Variants in TMIGD3 observed in about 807,000 individuals in gnomAD.
TMIGD3 encodes the protein AD026 protein (AD026).
Under a neutral mutation model 28.1 loss-of-function variants are expected in TMIGD3, and 21 were observed. The observed-to-expected ratio is 0.75, with a 90% confidence interval of 0.53 to 1.08. The LOEUF (loss-of-function observed/expected upper bound fraction) is 1.08, where lower values mean the gene tolerates loss of function less well. Among genes scored for constraint, TMIGD3 ranks in the 50% least tolerant of loss-of-function variants. The probability of loss-of-function intolerance (pLI) is 0.00; values close to 1 mark genes in which losing one functional copy is unlikely to be tolerated. For synonymous variants in TMIGD3, 151 were observed against 162.1 expected (o/e 0.93, Z 0.52); for missense variants, 416 against 435.6 (o/e 0.96, Z 0.40).
At chr1:111,492,738 C>T (rs911539000) in intron 1 of TMIGD3, among the ~76,000 whole-genome samples, 9 of 150,944 alleles carry the variant, frequency 6.0e-5, no homozygotes, top group Non-Finnish European at 8.8e-5. Flanking sequence ...CGCTTGAACC[C>T]GGGAGGCGGA....
chr1:111,528,779 A>G (rs1656353031), intron 1 of TMIGD3, among the ~76,000 whole-genome samples: 1 of 152,144 alleles, frequency 6.6e-6, no homozygotes, highest in South Asian at 2.1e-4. Context: ...GGATGATAAT[A>G]TAAATAGTAT....
At chr1:111,523,349 A>G (rs1656144969) in intron 1 of TMIGD3, among the ~76,000 whole-genome samples, 1 of 152,094 alleles carries the variant, frequency 6.6e-6, no homozygotes, top group African/African-American at 2.4e-5. Flanking sequence ...TATGTACCGT[A>G]TTATTCTTTT....
intron 3 of TMIGD3, among the ~76,000 whole-genome samples, chr1:111,488,065 A>T (rs1654469628): frequency 6.6e-6 from 1 of 152,074 alleles, no homozygotes; most frequent in Non-Finnish European, 1.5e-5. Flanking sequence ...TCAGCCTCCC[A>T]AACTGCTGGG....
At chr1:111,511,674 TAC>T (rs72064023) in intron 1 of TMIGD3, among the ~76,000 whole-genome samples, 17,554 of 148,738 alleles carry the variant, frequency 0.12, 1,008 homozygotes, top group African/African-American at 0.13. Context: ...TGGTGCCCTT[TAC>T]ACACACACAC....
At chr1:111,559,158 A>C (rs1367073798) in intron 1 of TMIGD3, among the ~76,000 whole-genome samples, 1 of 151,294 alleles carries the variant, frequency 6.6e-6, no homozygotes, top group Middle Eastern at 3.2e-3. Context: ...ATACATATCA[A>C]AACTTGTGGG....
chr1:111,516,387 C>T (rs1012830479), intron 1 of TMIGD3, among the ~76,000 whole-genome samples: 4 of 152,200 alleles, frequency 2.6e-5, no homozygotes, highest in African/African-American at 7.2e-5. Context: ...CAGCAGAGGC[C>T]GGGCTTGGAG....
chr1:111,548,835 T>C (rs2101032825), intron 1 of TMIGD3, among the ~76,000 whole-genome samples: 1 of 152,362 alleles, frequency 6.6e-6, no homozygotes, highest in Middle Eastern at 3.4e-3. Context: ...ACTACAAATG[T>C]GATGTTTGTT....
rs548081287 is a variant in TMIGD3, at chr1:111,486,194, TAC to T, written c.873-356_873-355del. On this transcript the variant is annotated intron_variant, in intron 4 of 5. Coordinates refer to ENST00000369716, the MANE Select transcript of TMIGD3 (RefSeq NM_020683.7). ...AAAAAAGAGAAATATACAAGGGCAATACAGAGACAGAAGGAAGGAAACACACA... is the reference window on the plus strand; with the variant it reads ...AAAAAAGAGAAATATACAAGGGCAATAGAGACAGAAGGAAGGAAACACACA... 9.2e-5 allele frequency among the ~76,000 whole-genome samples: 14 copies of T among 152,110 alleles called. No homozygotes were observed. The East Asian group carries it at 2.5e-3, about 27-fold the overall frequency.
intron 1 of TMIGD3, among the ~76,000 whole-genome samples, chr1:111,518,786 C>T (rs557149043): frequency 6.6e-6 from 1 of 152,318 alleles, no homozygotes; most frequent in South Asian, 2.1e-4. Flanking sequence ...TCTGATTCTC[C>T]TATGCCAATA....
intron 1 of TMIGD3, 112 bp downstream of exon 1, chr1:111,502,893 C>T: frequency 7.3e-7 from 1 of 1,362,924 alleles, no homozygotes; most frequent in Non-Finnish European, 9.9e-7. Flanking sequence ...TGCCCTCTTT[C>T]AACATCAAGG....
intron 1 of TMIGD3, among the ~76,000 whole-genome samples, chr1:111,549,806 G>A (rs961725455): frequency 6.6e-6 from 1 of 152,058 alleles, no homozygotes; most frequent in Non-Finnish European, 1.5e-5. Context: ...ACACCACCAT[G>A]CTCAGCTAAT....
chr1:111,538,050 T>A (rs2101020774), intron 1 of TMIGD3, among the ~76,000 whole-genome samples: 1 of 152,298 alleles, frequency 6.6e-6, no homozygotes, highest in South Asian at 2.1e-4. Context: ...CATATGGCAT[T>A]TTCAGTTTTT....
chr1:111,493,376 G>A (rs966507755), intron 1 of TMIGD3, among the ~76,000 whole-genome samples: 5 of 152,080 alleles, frequency 3.3e-5, no homozygotes, highest in African/African-American at 9.7e-5. Flanking sequence ...AGAGAGTCTG[G>A]CACCTCCCCC....
chr1:111,522,612 G>C lies in TMIGD3; in HGVS notation c.108-31850C>G, dbSNP rs192835514. ...GCTCACTGCAACCTCCACCTCCTGGGTTCAAGCAGTTCTCCTCCCTCAGCC... is the reference window on the plus strand; with the variant it reads ...GCTCACTGCAACCTCCACCTCCTGGCTTCAAGCAGTTCTCCTCCCTCAGCC... On this transcript the variant is annotated intron_variant, in intron 1 of 5. Transcript: ENST00000369717. Among the ~76,000 whole-genome samples, 16 of 151,900 alleles carry C rather than the reference G, an allele frequency of 1.1e-4. No homozygotes were observed. In the East Asian group the frequency reaches 3.1e-3, roughly 29 times the overall value.
Position 111,534,083 on chromosome 1 carries a change from C to T in TMIGD3, c.107+29763G>A, listed in dbSNP as rs12028611. ...CAATAATGCCTCTATATAATAAGAA[C>T]GATATAGATATTATTATATATTTTA... is the stretch of plus-strand genomic sequence containing the variant. On this transcript the variant is annotated intron_variant, in intron 1 of 5. Coordinates refer to the TMIGD3 transcript ENST00000369717. 3.2e-3 allele frequency among the ~76,000 whole-genome samples: 480 copies of T among 151,920 alleles called. 13 individuals are homozygous for T. In the East Asian group the frequency reaches 0.078, roughly 25 times the overall value.
chr1:111,562,780 G>A (rs1657791382), intron 1 of TMIGD3, among the ~76,000 whole-genome samples: 1 of 152,204 alleles, frequency 6.6e-6, no homozygotes, highest in Admixed American at 6.5e-5. Flanking sequence ...TGATAGGCTG[G>A]AAGACTAAAA....
intron 1 of TMIGD3, among the ~76,000 whole-genome samples, chr1:111,513,509 C>T (rs1323886586): frequency 2.0e-5 from 3 of 152,194 alleles, no homozygotes; most frequent in Non-Finnish European, 4.4e-5. Context: ...AAAATTTATT[C>T]TAGGTTGGGA....
chr1:111,526,010 G>C (rs2101008427), intron 1 of TMIGD3, among the ~76,000 whole-genome samples: 1 of 151,874 alleles, frequency 6.6e-6, no homozygotes, highest in Admixed American at 6.5e-5. Flanking sequence ...TCTATCATCT[G>C]GCCATTTTTT....
chr1:111,520,321 A>AG (rs1221591575), intron 1 of TMIGD3, among the ~76,000 whole-genome samples: 1 of 152,114 alleles, frequency 6.6e-6, no homozygotes, highest in Non-Finnish European at 1.5e-5. Context: ...GTTCCCCAAA[A>AG]TCTCCCCATG....
Sources: allele counts gnomAD v4.1 joint callset (sites outside exome capture counted in the v4.1 genomes callset), GRCh38; gene constraint gnomAD v4.1.1; transcripts MANE v1.5; gene names NCBI Gene and HGNC (gene_info 2026-07-23, HGNC 2026-07-21).